Variants in CCDC102B observed in about 807,000 individuals in gnomAD.
CCDC102B encodes the protein coiled-coil domain-containing protein 102B.
Under a neutral mutation model 57.4 loss-of-function variants are expected in CCDC102B, and 75 were observed. That is an observed-to-expected ratio of 1.31 (90% CI 1.08 to 1.58). The LOEUF is 1.58. CCDC102B is among the 40% of genes most tolerant of loss of function. The pLI, the probability that CCDC102B is intolerant of heterozygous loss-of-function variation, is 0.00. For missense variants in CCDC102B, 636 were observed against 582.6 expected, an observed-to-expected ratio of 1.09 and a Z score of -0.94; for synonymous variants, 206 against 201.9, an observed-to-expected ratio of 1.02 and a Z score of -0.17.
At chr18:68,993,861 T>C (rs1054314617) in intron 6 of CCDC102B, among the ~76,000 whole-genome samples, 4 of 152,192 alleles carry the variant, frequency 2.6e-5, no homozygotes, top group Non-Finnish European at 5.9e-5. Flanking sequence ...ACTAGATTGT[T>C]CTCCCAATTG....
intron 2 of CCDC102B, among the ~76,000 whole-genome samples, chr18:68,748,159 T>G (rs533246882): frequency 8.0e-4 from 121 of 151,854 alleles, no homozygotes; most frequent in African/African-American, 2.8e-3. Flanking sequence ...TTTATATGTC[T>G]TCTTTGGAGA....
chr18:69,041,190 C>CA (rs1234981975), intron 7 of CCDC102B, among the ~76,000 whole-genome samples: 2 of 152,084 alleles, frequency 1.3e-5, no homozygotes, highest in Non-Finnish European at 2.9e-5. Context: ...ATCAAAGCAG[C>CA]ACTTGCTATG....
chr18:68,907,888 A>G (rs2040703160), intron 6 of CCDC102B, among the ~76,000 whole-genome samples: 1 of 152,176 alleles, frequency 6.6e-6, no homozygotes, highest in Non-Finnish European at 1.5e-5. Flanking sequence ...AGACTTTCAA[A>G]CTTTTATCAT....
chr18:68,773,965 A>G (rs904604603), intron 2 of CCDC102B, among the ~76,000 whole-genome samples: 1 of 151,860 alleles, frequency 6.6e-6, no homozygotes, highest in African/African-American at 2.4e-5. Flanking sequence ...TTTTCTTTCA[A>G]TAGTACCTAT....
At chr18:68,931,958 G>T (rs1258103461) in intron 6 of CCDC102B, among the ~76,000 whole-genome samples, 1 of 148,542 alleles carries the variant, frequency 6.7e-6, no homozygotes, top group Non-Finnish European at 1.5e-5. Context: ...CACAAAGTGG[G>T]TATTCTATAC....
chr18:68,921,516 T>C (rs1174289470), intron 6 of CCDC102B, among the ~76,000 whole-genome samples: 4 of 152,196 alleles, frequency 2.6e-5, no homozygotes, highest in African/African-American at 7.2e-5. Context: ...CATATATAGA[T>C]TACCCTACAT....
intron 7 of CCDC102B, among the ~76,000 whole-genome samples, chr18:69,051,262 G>T (rs112047775): frequency 1.3e-5 from 2 of 151,932 alleles, no homozygotes; most frequent in East Asian, 3.9e-4. Context: ...TAACTTTAAA[G>T]TATTACTTTT....
At chr18:68,748,101 C>T (rs1392694467) in intron 2 of CCDC102B, among the ~76,000 whole-genome samples, 1 of 151,806 alleles carries the variant, frequency 6.6e-6, no homozygotes, top group East Asian at 1.9e-4. Context: ...ATTTTCGTTT[C>T]CCTGATAATT....
At chr18:69,009,619 A>G (rs906011152) in intron 6 of CCDC102B, among the ~76,000 whole-genome samples, 6 of 152,116 alleles carry the variant, frequency 3.9e-5, no homozygotes, top group Non-Finnish European at 7.4e-5. Context: ...GACTAAAAGA[A>G]AAACACCACA....
chr18:68,760,560 A>T (rs535594279), intron 2 of CCDC102B, among the ~76,000 whole-genome samples: 5 of 152,114 alleles, frequency 3.3e-5, no homozygotes, highest in African/African-American at 1.2e-4. Flanking sequence ...TAATTGTACA[A>T]CAGGAGTCTT....
At chr18:68,801,163 A>T (rs1158023714) in intron 1 of CCDC102B, among the ~76,000 whole-genome samples, 3 of 152,128 alleles carry the variant, frequency 2.0e-5, no homozygotes, top group African/African-American at 7.2e-5. Context: ...TTGAAATGCA[A>T]AGATTTGGTC....
chr18:68,757,292 A>G (rs972211535), intron 2 of CCDC102B, among the ~76,000 whole-genome samples: 2 of 152,192 alleles, frequency 1.3e-5, no homozygotes, highest in African/African-American at 4.8e-5. Context: ...AGTGAAAGCT[A>G]TGATTTTATG....
chr18:68,724,820 T>C (rs1259460865), intron 2 of CCDC102B, among the ~76,000 whole-genome samples: 1 of 152,244 alleles, frequency 6.6e-6, no homozygotes, highest in Non-Finnish European at 1.5e-5. Flanking sequence ...CTCTGCCTGT[T>C]ACCCAGTTCC....
At chr18:68,795,860 T>C (rs559448467), upstream of CCDC102B, among the ~76,000 whole-genome samples, 1 of 152,294 alleles carries the variant, frequency 6.6e-6, no homozygotes, top group East Asian at 1.9e-4. Flanking sequence ...TGTGCTTACC[T>C]AGACAGAAAT....
chr18:68,774,605 T>G (rs938386057), intron 2 of CCDC102B, among the ~76,000 whole-genome samples: 5 of 152,178 alleles, frequency 3.3e-5, no homozygotes, highest in Non-Finnish European at 7.4e-5. Context: ...CAGCTATTTT[T>G]GTCAAATTAT....
At chr18:68,771,869 T>C (rs1482336109) in intron 2 of CCDC102B, among the ~76,000 whole-genome samples, 1 of 142,026 alleles carries the variant, frequency 7.0e-6, no homozygotes, top group African/African-American at 2.6e-5. Flanking sequence ...TACTCTGAAA[T>C]ACACACACAC....
intron 7 of CCDC102B, among the ~76,000 whole-genome samples, chr18:69,013,619 G>T (rs961523597): frequency 1.5e-4 from 23 of 152,194 alleles, no homozygotes; most frequent in African/African-American, 5.3e-4. Flanking sequence ...TGATACATTA[G>T]TTTCCTGTAA....
chr18:68,908,886 T>G (rs928631827), intron 6 of CCDC102B, among the ~76,000 whole-genome samples: 15 of 152,110 alleles, frequency 9.9e-5, no homozygotes, highest in Non-Finnish European at 5.9e-5. Context: ...TGTATTATTA[T>G]TCTCCAAAGT....
At chr18:68,801,518 G>A (rs1175113009) in intron 1 of CCDC102B, among the ~76,000 whole-genome samples, 1 of 151,870 alleles carries the variant, frequency 6.6e-6, no homozygotes, top group East Asian at 1.9e-4. Context: ...TTAAAATTTT[G>A]ATAGAAGGAT....
Sources: allele counts gnomAD v4.1 joint callset (sites outside exome capture counted in the v4.1 genomes callset), GRCh38; gene constraint gnomAD v4.1.1; transcripts MANE v1.5; gene names NCBI Gene and HGNC (gene_info 2026-07-23, HGNC 2026-07-21).